The following PTPRO variants were observed in gnomAD, a reference collection of about 807,000 sequenced individuals.
PTPRO encodes receptor-type tyrosine-protein phosphatase O.
A neutral mutation model predicts 145.2 loss-of-function variants in PTPRO; 62 were observed. That is an observed-to-expected ratio of 0.43 (90% CI 0.35 to 0.53). PTPRO has a LOEUF of 0.53. PTPRO is among the 20% of genes least tolerant of loss of function. The probability of loss-of-function intolerance (pLI) is 0.01; values close to 1 mark genes in which losing one functional copy is unlikely to be tolerated. For synonymous variants in PTPRO, 565 were observed against 514.7 expected, an observed-to-expected ratio of 1.10 and a Z score of -1.32; for missense variants, 1,345 against 1,482.7, an observed-to-expected ratio of 0.91 and a Z score of 1.53.
intron 1 of PTPRO, among the ~76,000 whole-genome samples, chr12:15,420,148 GAAAAAAAAAAAAA>G (rs35302259): frequency 2.4e-5 from 2 of 81,706 alleles, no homozygotes; most frequent in Admixed American, 1.4e-4. Context: ...CTCCGACTCA[GAAAAAAAAAAAAA>G]AAAAAAAAAA....
At chr12:15,414,989 G>A (rs12426878) in intron 1 of PTPRO, among the ~76,000 whole-genome samples, 25,642 of 152,086 alleles carry the variant, frequency 0.17, 2,821 homozygotes, top group Admixed American at 0.29. Context: ...ACCTCTTCAA[G>A]AATAAGCTCA....
chr12:15,524,044 C>A (rs938992802), intron 10 of PTPRO, among the ~76,000 whole-genome samples: 1 of 151,806 alleles, frequency 6.6e-6, no homozygotes, highest in African/African-American at 2.4e-5. Context: ...GATCCACCCA[C>A]CTCAGCTTCC....
chr12:15,499,693 A>G (rs954126586), intron 4 of PTPRO, 99 bp downstream of exon 4: 18 of 1,363,278 alleles, frequency 1.3e-5, no homozygotes, highest in Non-Finnish European at 1.7e-5. Context: ...ATCCAGAGCA[A>G]AGAAAGAAAA....
chr12:15,471,414 C>T (rs1381466384), intron 1 of PTPRO, among the ~76,000 whole-genome samples: 1 of 151,994 alleles, frequency 6.6e-6, no homozygotes, highest in Non-Finnish European at 1.5e-5. Context: ...CACCAAATCC[C>T]ACAGGAGTAG....
At position 15,595,111 on chromosome 12, in the gene PTPRO, G is replaced by C. The variant is rs931347847; in HGVS notation, c.*16+54G>C. The C allele has an allele frequency of 1.5e-5, 17 of 1,148,918 alleles. No homozygotes were observed. The African/African-American group carries it at 2.4e-4, about 17-fold the overall frequency. 71.2% of individuals were successfully genotyped at this position (1,148,918 alleles called of 1,614,324 possible). A position where few individuals can be genotyped will look rare whatever the true frequency, so the allele number is the denominator to read the frequency against. ...CTCAGTCTTAGAACTATTAGAGGGG[G>C]ATGTGATGGATGGGACAAAAGACAG... On this transcript the variant is annotated intron_variant, in intron 26 of 26. Coordinates refer to ENST00000281171, the MANE Select transcript of PTPRO (RefSeq NM_030667.3).
chr12:15,377,756 C>T (rs573060834), intron 1 of PTPRO, among the ~76,000 whole-genome samples: 3 of 152,062 alleles, frequency 2.0e-5, no homozygotes, highest in South Asian at 4.1e-4. Context: ...TTAGACAAGC[C>T]TCAGTAAACT....
At position 15,368,115 on chromosome 12, in the gene PTPRO, C is replaced by G. The variant is rs371082176; in HGVS notation, c.75+45314C>G. Among the ~76,000 whole-genome samples, 96 of 152,302 alleles carry G rather than the reference C, an allele frequency of 6.3e-4. 1 individual carries two copies. In the East Asian group the frequency reaches 0.016, roughly 26 times the overall value. Reference sequence around the variant, plus strand: ...AATAAGCTGCAAAACTCGCCAGGGTCTGGACTCCTCCGTGTTCTCCTACTT... The same window carrying G: ...AATAAGCTGCAAAACTCGCCAGGGTGTGGACTCCTCCGTGTTCTCCTACTT... On this transcript the variant is annotated intron_variant, in intron 1 of 26. Transcript: ENST00000281171.
chr12:15,385,811 CAAAAAAAAAAAAAA>C (rs761750012), intron 1 of PTPRO, among the ~76,000 whole-genome samples: 1 of 37,120 alleles, frequency 2.7e-5, no homozygotes, highest in East Asian at 6.9e-4. Flanking sequence ...GACTCCATCT[CAAAAAAAAAAAAAA>C]AAAAAAAAGA....
At chr12:15,444,851 TA>T (rs948951061) in intron 1 of PTPRO, among the ~76,000 whole-genome samples, 37 of 152,268 alleles carry the variant, frequency 2.4e-4, no homozygotes, top group Non-Finnish European at 2.1e-4. Context: ...GTTTTTTTTA[TA>T]GCTGGCTGAA....
At chr12:15,453,916 T>A (rs1213708961) in intron 1 of PTPRO, among the ~76,000 whole-genome samples, 1 of 152,196 alleles carries the variant, frequency 6.6e-6, no homozygotes, top group Non-Finnish European at 1.5e-5. Flanking sequence ...GACTTCCTCC[T>A]TTTAAGGCTG....
At chr12:15,327,496 CTAA>C (rs1035958429) in intron 1 of PTPRO, among the ~76,000 whole-genome samples, 2 of 152,244 alleles carry the variant, frequency 1.3e-5, no homozygotes, top group South Asian at 2.1e-4. Flanking sequence ...AGAAATCCTC[CTAA>C]TGTTTTGTCA....
At chr12:15,347,901 AC>A (rs1937646442) in intron 1 of PTPRO, among the ~76,000 whole-genome samples, 1 of 152,248 alleles carries the variant, frequency 6.6e-6, no homozygotes, top group African/African-American at 2.4e-5. Flanking sequence ...TATACAATTT[AC>A]CTATGGCCCT....
intron 25 of PTPRO, among the ~76,000 whole-genome samples, chr12:15,591,486 G>T (rs1387969056): frequency 6.6e-6 from 1 of 151,930 alleles, no homozygotes; most frequent in Admixed American, 6.6e-5. Context: ...CCATTTTTAG[G>T]GTCATTATCT....
intron 1 of PTPRO, among the ~76,000 whole-genome samples, chr12:15,343,096 A>G (rs1193415850): frequency 6.6e-6 from 1 of 152,198 alleles, no homozygotes; most frequent in East Asian, 1.9e-4. Flanking sequence ...ACTAGTGGAC[A>G]GTGAAATAAT....
intron 2 of PTPRO, among the ~76,000 whole-genome samples, chr12:15,491,102 C>A (rs548933820): frequency 6.6e-6 from 1 of 152,246 alleles, no homozygotes; most frequent in East Asian, 1.9e-4. Context: ...GCTGAGATGC[C>A]AGGTCAGGTC....
chr12:15,594,556 T>TATATA (rs1367514121), intron 25 of PTPRO, among the ~76,000 whole-genome samples: 9 of 151,824 alleles, frequency 5.9e-5, no homozygotes, highest in Admixed American at 5.3e-4. Flanking sequence ...TACACACACA[T>TATATA]ATATATAAAC....
chr12:15,524,295 A>C (rs1942791359), intron 10 of PTPRO, among the ~76,000 whole-genome samples: 1 of 152,104 alleles, frequency 6.6e-6, no homozygotes, highest in Non-Finnish European at 1.5e-5. Context: ...TATTTTATGC[A>C]AATAACATTT....
intron 2 of PTPRO, among the ~76,000 whole-genome samples, chr12:15,493,715 T>A (rs535368606): frequency 2.8e-4 from 42 of 152,290 alleles, no homozygotes; most frequent in South Asian, 8.3e-4. Flanking sequence ...ATTGCCCTAA[T>A]CTATTTCTAA....
At chr12:15,518,548 G>T (rs373509694) in intron 9 of PTPRO, among the ~76,000 whole-genome samples, 2 of 152,282 alleles carry the variant, frequency 1.3e-5, no homozygotes, top group East Asian at 3.9e-4. Flanking sequence ...CTATCACATT[G>T]TCAAGCTGCA....
Sources: allele counts gnomAD v4.1 joint callset (sites outside exome capture counted in the v4.1 genomes callset), GRCh38; gene constraint gnomAD v4.1.1; transcripts MANE v1.5; gene names NCBI Gene and HGNC (gene_info 2026-07-23, HGNC 2026-07-21).